PPP3CA: variants seen among roughly 807,000 people sequenced by gnomAD.
PPP3CA encodes CAM-PRP catalytic subunit.
A neutral mutation model predicts 66.5 loss-of-function variants in PPP3CA; 14 were observed. The observed-to-expected ratio is 0.21, with a 90% CI of 0.14 to 0.33. The LOEUF (loss-of-function observed/expected upper bound fraction) is 0.33. PPP3CA is among the 10% of genes least tolerant of loss of function. The pLI is 1.00. For missense variants in PPP3CA, 317 were observed against 639.5 expected, an observed-to-expected ratio of 0.50 and a Z score of 5.44; for synonymous variants, 232 against 226.2, an observed-to-expected ratio of 1.03 and a Z score of -0.23.
intron 10 of PPP3CA, among the ~76,000 whole-genome samples, chr4:101,054,397 T>C (rs1728137610): frequency 6.6e-6 from 1 of 152,138 alleles, no homozygotes; most frequent in South Asian, 2.1e-4. Context: ...TTAGATTCTG[T>C]GACTATTTGA....
chr4:101,150,922 T>G (rs76959179), intron 2 of PPP3CA, among the ~76,000 whole-genome samples: 4 of 152,228 alleles, frequency 2.6e-5, no homozygotes, highest in Non-Finnish European at 5.9e-5. Flanking sequence ...TACTTTTTCA[T>G]GTGTGTCTCT....
intron 1 of PPP3CA, among the ~76,000 whole-genome samples, chr4:101,218,735 G>A (rs1032516669): frequency 6.6e-6 from 1 of 151,922 alleles, no homozygotes; most frequent in Admixed American, 6.6e-5. Flanking sequence ...AAACTGTAAA[G>A]CAAACTACTC....
intron 8 of PPP3CA, among the ~76,000 whole-genome samples, chr4:101,079,535 C>G (rs1365714551): frequency 6.6e-6 from 1 of 152,042 alleles, no homozygotes; most frequent in Non-Finnish European, 1.5e-5. Context: ...CTCGCCACCA[C>G]GGCCAGCTAA....
At chr4:101,036,359 T>C (rs945911133) in intron 11 of PPP3CA, among the ~76,000 whole-genome samples, 6 of 152,200 alleles carry the variant, frequency 3.9e-5, no homozygotes, top group African/African-American at 1.4e-4. Flanking sequence ...TCAGCTTACA[T>C]TGCTGTACTC....
chr4:101,121,676 A>T (rs942711280), intron 2 of PPP3CA, among the ~76,000 whole-genome samples: 4 of 152,000 alleles, frequency 2.6e-5, no homozygotes, highest in African/African-American at 7.2e-5. Flanking sequence ...ATGGAGAATT[A>T]AAAAAAATAG....
chr4:101,268,804 G>GA (rs953848364), intron 1 of PPP3CA, among the ~76,000 whole-genome samples: 2 of 151,590 alleles, frequency 1.3e-5, no homozygotes, highest in African/African-American at 2.4e-5. Flanking sequence ...GATAATATGG[G>GA]AAAAAAAAGT....
At chr4:101,164,140 A>G (rs1258323537) in intron 2 of PPP3CA, among the ~76,000 whole-genome samples, 2 of 27,438 alleles carry the variant, frequency 7.3e-5, no homozygotes, top group Admixed American at 7.0e-4. Flanking sequence ...CTCTTCACCT[A>G]TTTCAAGTCT....
chr4:101,157,159 T>C (rs1019608801), intron 2 of PPP3CA, among the ~76,000 whole-genome samples: 9 of 152,180 alleles, frequency 5.9e-5, no homozygotes, highest in African/African-American at 1.7e-4. Context: ...TCTGTGGTTG[T>C]TTTTCCCCCT....
intron 2 of PPP3CA, among the ~76,000 whole-genome samples, chr4:101,123,996 A>G (rs1722117580): frequency 6.6e-6 from 1 of 152,250 alleles, no homozygotes; most frequent in Non-Finnish European, 1.5e-5. Context: ...TAAGCTCCCT[A>G]TTCCTACTAT....
At chr4:101,226,993 T>C (rs754797827) in intron 1 of PPP3CA, among the ~76,000 whole-genome samples, 2 of 151,758 alleles carry the variant, frequency 1.3e-5, no homozygotes, top group Non-Finnish European at 2.9e-5. Context: ...TATAGTTCTT[T>C]TGCAATTAAA....
chr4:101,339,623 A>G (rs1729744725), intron 1 of PPP3CA, among the ~76,000 whole-genome samples: 1 of 152,194 alleles, frequency 6.6e-6, no homozygotes, highest in African/African-American at 2.4e-5. Context: ...AACTTAATAT[A>G]ATACACTCAA....
chr4:101,024,195 A>G lies in PPP3CA; in HGVS notation c.*1670T>C, dbSNP rs1726517590. 6.6e-6 allele frequency: 1 copy of G among 152,180 alleles called. No homozygotes were observed. The highest frequency in any genetic ancestry group is 1.5e-5 in the Non-Finnish European group (1 of 68,042). 9.4% of individuals were successfully genotyped at this position (152,180 alleles called of 1,614,324 possible). ...AGTGGAAGTAGGCACCACCCCTCAG[A>G]TCACGAGGCCCCTAGGAAGAAGCCT... On this transcript the variant is annotated 3_prime_UTR_variant, in exon 14 of 14. Transcript: ENST00000394854.
intron 2 of PPP3CA, among the ~76,000 whole-genome samples, chr4:101,114,565 G>A (rs2110268010): frequency 6.6e-6 from 1 of 152,204 alleles, no homozygotes; most frequent in South Asian, 2.1e-4. Context: ...ACGGTGGCAA[G>A]AGTGGCCAAT....
At chr4:101,171,751 A>G (rs1007370400) in intron 2 of PPP3CA, among the ~76,000 whole-genome samples, 1 of 152,190 alleles carries the variant, frequency 6.6e-6, no homozygotes, top group African/African-American at 2.4e-5. Context: ...AAAAACAGGC[A>G]TAGGTATAAG....
chr4:101,030,610 A>T (rs1350798735), intron 12 of PPP3CA, among the ~76,000 whole-genome samples: 1 of 152,192 alleles, frequency 6.6e-6, no homozygotes, highest in Non-Finnish European at 1.5e-5. Context: ...AAAACCAAAT[A>T]ACCTAAGTAA....
intron 2 of PPP3CA, among the ~76,000 whole-genome samples, chr4:101,158,948 AGAT>A (rs1414236261): frequency 6.6e-6 from 1 of 152,232 alleles, no homozygotes; most frequent in East Asian, 1.9e-4. Flanking sequence ...TTATGAATGA[AGAT>A]AACTAAGGCT....
chr4:101,144,451 C>G (rs1248751362), intron 2 of PPP3CA, among the ~76,000 whole-genome samples: 1 of 152,152 alleles, frequency 6.6e-6, no homozygotes, highest in Non-Finnish European at 1.5e-5. Flanking sequence ...CTAGAATGCT[C>G]TTTCCCTAGC....
chr4:101,333,712 C>T (rs1313046158), intron 1 of PPP3CA, among the ~76,000 whole-genome samples: 1 of 152,152 alleles, frequency 6.6e-6, no homozygotes, highest in Non-Finnish European at 1.5e-5. Flanking sequence ...AAAGTCATAA[C>T]ACATGGCAAT....
intron 2 of PPP3CA, among the ~76,000 whole-genome samples, chr4:101,173,314 G>A (rs1253665586): frequency 6.6e-6 from 1 of 152,054 alleles, no homozygotes; most frequent in African/African-American, 2.4e-5. Context: ...TGGTAAGAGA[G>A]AGGCTGTGCT....
Sources: allele counts gnomAD v4.1 joint callset (sites outside exome capture counted in the v4.1 genomes callset), GRCh38; gene constraint gnomAD v4.1.1; transcripts MANE v1.5; gene names NCBI Gene and HGNC (gene_info 2026-07-23, HGNC 2026-07-21).